Variants in FSTL4 observed in about 807,000 individuals in gnomAD.
The protein encoded by FSTL4 is follistatin like 4.
FSTL4 carries 28 observed loss-of-function variants against 78.2 expected under a neutral mutation model. The observed-to-expected ratio is 0.36, with a 90% CI of 0.27 to 0.49. FSTL4 has a LOEUF of 0.49. FSTL4 is among the 20% of genes least tolerant of loss of function. The pLI is 0.98. For synonymous variants in FSTL4, 422 were observed against 440.5 expected (o/e 0.96, Z 0.53); for missense variants, 922 against 1,084.9 (o/e 0.85, Z 2.11).
At chr5:133,377,871 A>G (rs1755474578) in intron 4 of FSTL4, among the ~76,000 whole-genome samples, 1 of 152,136 alleles carries the variant, frequency 6.6e-6, no homozygotes, top group Admixed American at 6.5e-5. Context: ...ACAAAGACAA[A>G]GAGAAAAATT....
chr5:133,440,045 G>A lies in FSTL4; in HGVS notation c.161-39059C>T, dbSNP rs1757119126. 6.6e-6 allele frequency among the ~76,000 whole-genome samples: 1 copy of A among 152,180 alleles called. No individual in the cohort carries two copies. Among genetic ancestry groups the A allele is most frequent in the African/African-American group, 2.4e-5 (1 of 41,432 alleles). On this transcript the variant is annotated intron_variant, in intron 3 of 15. Transcript: ENST00000265342. The surrounding 1 kb of genome is among the most constrained non-coding windows in gnomAD (Gnocchi z 4.1). ...GTTCTTAGTGAGCAGAGCCCTGGGG[G>A]TGGGGGACATGCTGGGGTCGGGAGG...
intron 3 of FSTL4, among the ~76,000 whole-genome samples, chr5:133,409,952 T>C (rs370403883): frequency 2.0e-5 from 3 of 152,182 alleles, no homozygotes; most frequent in African/African-American, 7.2e-5. Context: ...TAGAGATCCC[T>C]GAGATGGAAA....
intron 2 of FSTL4, among the ~76,000 whole-genome samples, chr5:133,593,585 G>A (rs987039969): frequency 3.9e-5 from 6 of 152,080 alleles, no homozygotes; most frequent in African/African-American, 1.4e-4. Context: ...ACAAACCTGT[G>A]ATACCAGATC....
the FSTL4 span, among the ~76,000 whole-genome samples, chr5:133,651,786 T>A: frequency 6.6e-6 from 1 of 152,196 alleles, no homozygotes; most frequent in Admixed American, 6.5e-5. Flanking sequence ...ATTGGAGTAA[T>A]GCTGACCTCA....
At chr5:133,305,811 C>T (rs184257429) in intron 6 of FSTL4, among the ~76,000 whole-genome samples, 3 of 152,374 alleles carry the variant, frequency 2.0e-5, no homozygotes, top group Admixed American at 6.5e-5. Context: ...GCTGCTCTCC[C>T]TGCCCTGGTC....
At chr5:133,511,299 C>T (rs745647640) in intron 3 of FSTL4, among the ~76,000 whole-genome samples, 46 of 152,228 alleles carry the variant, frequency 3.0e-4, no homozygotes, top group Non-Finnish European at 5.1e-4. Flanking sequence ...TGCTCTTCTT[C>T]TTTCCAGCCA....
the FSTL4 span, among the ~76,000 whole-genome samples, chr5:133,789,607 A>T: frequency 6.6e-6 from 1 of 152,238 alleles, no homozygotes; most frequent in Non-Finnish European, 1.5e-5. Context: ...AGATTGGTGT[A>T]TTAGTTGGCT....
At position 133,275,068 on chromosome 5, in the gene FSTL4, C is replaced by A. The variant is rs1315531048; in HGVS notation, c.728-25492G>T. Among the ~76,000 whole-genome samples, 4 of 151,606 alleles carry A rather than the reference C, an allele frequency of 2.6e-5. No individual in the cohort carries two copies. In the East Asian group the frequency reaches 7.7e-4, roughly 29 times the overall value. On this transcript the variant is annotated intron_variant, in intron 6 of 15. Coordinates refer to ENST00000265342, the MANE Select transcript of FSTL4 (RefSeq NM_015082.2). ...CTTGAGGTTAGGAGTTTGAGACCAGCCTGGCCAACATGGTGAAACCCTGTC... is the reference window on the plus strand; with the variant it reads ...CTTGAGGTTAGGAGTTTGAGACCAGACTGGCCAACATGGTGAAACCCTGTC...
chr5:133,388,277 G>A (rs73788069), intron 4 of FSTL4, among the ~76,000 whole-genome samples: 6,842 of 152,134 alleles, frequency 0.045, 507 homozygotes, highest in African/African-American at 0.16. Flanking sequence ...GTACACGGAT[G>A]GTGTATTATT....
chr5:133,312,512 T>C (rs1753809723), intron 6 of FSTL4, 142 bp downstream of exon 6: 1 of 708,194 alleles, frequency 1.4e-6, no homozygotes, highest in Non-Finnish European at 2.5e-6. Flanking sequence ...CTCAGGCTTG[T>C]TGCAGAACAA....
chr5:133,420,701 C>G (rs1172042191), intron 3 of FSTL4, among the ~76,000 whole-genome samples: 1 of 152,200 alleles, frequency 6.6e-6, no homozygotes, highest in Non-Finnish European at 1.5e-5. Flanking sequence ...ATGCTTCTAA[C>G]ACAGGAGAGG....
intron 6 of FSTL4, among the ~76,000 whole-genome samples, chr5:133,249,830 G>A (rs1381262339): frequency 6.6e-6 from 1 of 152,242 alleles, no homozygotes; most frequent in Non-Finnish European, 1.5e-5. Flanking sequence ...ATGTGCTGAG[G>A]ACAATCTGGG....
At chr5:133,775,296 G>A in the FSTL4 span, among the ~76,000 whole-genome samples, 1 of 152,214 alleles carries the variant, frequency 6.6e-6, no homozygotes. Context: ...TGGTTTTAAA[G>A]TAAGAATTCT....
intron 4 of FSTL4, among the ~76,000 whole-genome samples, chr5:133,393,302 A>G (rs1264834376): frequency 6.6e-6 from 1 of 152,216 alleles, no homozygotes; most frequent in African/African-American, 2.4e-5. Flanking sequence ...CCCAAAGGAT[A>G]ACCCAGAGGG....
chr5:133,567,748 A>G (rs1403431157), intron 2 of FSTL4, among the ~76,000 whole-genome samples: 1 of 152,248 alleles, frequency 6.6e-6, no homozygotes, highest in Non-Finnish European at 1.5e-5. Context: ...AACAATTTGG[A>G]TAGCCAGTTC....
chr5:133,562,265 T>C (rs1759930087), intron 3 of FSTL4, among the ~76,000 whole-genome samples: 1 of 152,168 alleles, frequency 6.6e-6, no homozygotes, highest in Non-Finnish European at 1.5e-5. Context: ...CTTCACATTA[T>C]ACCAAGATAG....
intron 3 of FSTL4, among the ~76,000 whole-genome samples, chr5:133,415,787 A>G (rs1399810886): frequency 6.6e-6 from 1 of 152,204 alleles, no homozygotes; most frequent in East Asian, 1.9e-4. Context: ...CTAACAGTAT[A>G]TAAATATATT....
At chr5:133,262,704 A>G (rs1249411152) in intron 6 of FSTL4, among the ~76,000 whole-genome samples, 1 of 152,126 alleles carries the variant, frequency 6.6e-6, no homozygotes, top group Non-Finnish European at 1.5e-5. Flanking sequence ...TTCTAAATTG[A>G]CACTTATGTG....
chr5:133,209,333 G>T (rs368067108), intron 14 of FSTL4, among the ~76,000 whole-genome samples: 1 of 152,048 alleles, frequency 6.6e-6, no homozygotes, highest in East Asian at 1.9e-4. Context: ...TGCCAGTCTT[G>T]GTTCCAGAGG....
Sources: gnomAD v4.1 joint callset for allele counts (sites outside exome capture counted in the v4.1 genomes callset) on GRCh38, gnomAD v4.1.1 for gene constraint, Gnocchi (gnomAD v3.1) non-coding constraint, MANE v1.5 for transcripts, NCBI Gene and HGNC (gene_info 2026-07-23, HGNC 2026-07-21) for gene names.